TSPAN18: variants seen among roughly 807,000 people sequenced by gnomAD.
The protein encoded by TSPAN18 is tetraspanin-18.
A neutral mutation model predicts 27.3 loss-of-function variants in TSPAN18; 14 were observed. The ratio of observed to expected loss-of-function variants is 0.51; its 90% confidence interval spans 0.34 to 0.80. The LOEUF (loss-of-function observed/expected upper bound fraction) is 0.80. Among genes scored for constraint, TSPAN18 ranks in the 30% least tolerant of loss-of-function variants. The pLI is 0.01. For missense variants in TSPAN18, 268 were observed against 323.9 expected, an observed-to-expected ratio of 0.83 and a Z score of 1.32; for synonymous variants, 143 against 136.5, an observed-to-expected ratio of 1.05 and a Z score of -0.33.
chr11:44,919,456 C>T (rs1425353688), intron 7 of TSPAN18, 144 bp downstream of exon 7: 5 of 744,630 alleles, frequency 6.7e-6, no homozygotes, highest in Non-Finnish European at 1.2e-5. Context: ...ACGCAGCATT[C>T]CAGGCAGCCA....
At chr11:44,866,063 G>A (rs894748120) in intron 3 of TSPAN18, among the ~76,000 whole-genome samples, 2 of 152,192 alleles carry the variant, frequency 1.3e-5, no homozygotes, top group African/African-American at 2.4e-5. Flanking sequence ...CTGTGACCCC[G>A]GCAGCACAAT....
At chr11:44,836,755 T>A (rs1438456728) in intron 2 of TSPAN18, among the ~76,000 whole-genome samples, 1 of 152,212 alleles carries the variant, frequency 6.6e-6, no homozygotes, top group East Asian at 1.9e-4. Context: ...TCATTTACCA[T>A]TTTGAAAATT....
intron 2 of TSPAN18, among the ~76,000 whole-genome samples, chr11:44,786,460 G>A (rs1856059658): frequency 6.6e-6 from 1 of 151,224 alleles, no homozygotes; most frequent in African/African-American, 2.5e-5. Context: ...GAAACTCGGT[G>A]ATGTCCTCAG....
At chr11:44,727,726 C>T (rs1854550560) in intron 1 of TSPAN18, among the ~76,000 whole-genome samples, 1 of 151,396 alleles carries the variant, frequency 6.6e-6, no homozygotes, top group African/African-American at 2.4e-5. Context: ...CGATCGGGGC[C>T]GGGAGGGCTG....
intron 4 of TSPAN18, among the ~76,000 whole-genome samples, chr11:44,907,231 C>T (rs1377878692): frequency 2.0e-5 from 3 of 152,200 alleles, no homozygotes; most frequent in East Asian, 1.9e-4. Flanking sequence ...CCACTGAAGG[C>T]TCTGCTCAGA....
intron 2 of TSPAN18, among the ~76,000 whole-genome samples, chr11:44,799,539 T>G (rs1276897656): frequency 6.6e-6 from 1 of 152,158 alleles, no homozygotes; most frequent in East Asian, 1.9e-4. Context: ...TAGCTCCCAG[T>G]GGAAGAGGGC....
chr11:44,797,576 A>G (rs983391580), intron 2 of TSPAN18, among the ~76,000 whole-genome samples: 12 of 152,148 alleles, frequency 7.9e-5, no homozygotes, highest in Non-Finnish European at 1.5e-5. Flanking sequence ...GAAAATGGGG[A>G]CGGGAGCAAA....
chr11:44,861,437 G>A (rs908381984), intron 3 of TSPAN18, among the ~76,000 whole-genome samples: 2 of 142,930 alleles, frequency 1.4e-5, no homozygotes, highest in Non-Finnish European at 3.1e-5. Context: ...GGGGCTGTGG[G>A]GACTGGTCGG....
chr11:44,811,943 C>T, intron 2 of TSPAN18, among the ~76,000 whole-genome samples: 1 of 152,186 alleles, frequency 6.6e-6, no homozygotes, highest in East Asian at 1.9e-4. Context: ...AGCTCATTCC[C>T]CGGGATGACA....
chr11:44,775,185 A>T (rs1047974200), intron 2 of TSPAN18, among the ~76,000 whole-genome samples: 1 of 152,088 alleles, frequency 6.6e-6, no homozygotes, highest in African/African-American at 2.4e-5. Flanking sequence ...ATAGACAATG[A>T]CTCAATTTTT....
At chr11:44,829,746 T>C (rs1271222341) in intron 2 of TSPAN18, among the ~76,000 whole-genome samples, 2 of 152,178 alleles carry the variant, frequency 1.3e-5, no homozygotes, top group Non-Finnish European at 2.9e-5. Context: ...TTTAGTTTTA[T>C]AAGAAGCTGC....
chr11:44,878,346 C>T (rs1392351451), intron 3 of TSPAN18, among the ~76,000 whole-genome samples: 1 of 152,204 alleles, frequency 6.6e-6, no homozygotes, highest in Non-Finnish European at 1.5e-5. Context: ...CCTCTGGACG[C>T]TGTAGAGATA....
At chr11:44,839,922 T>C (rs1857337799) in intron 2 of TSPAN18, among the ~76,000 whole-genome samples, 1 of 152,128 alleles carries the variant, frequency 6.6e-6, no homozygotes, top group South Asian at 2.1e-4. Flanking sequence ...TCTGCAGAAA[T>C]AATCCTAGAT....
chr11:44,774,918 G>A (rs1480183128), intron 2 of TSPAN18, among the ~76,000 whole-genome samples: 1 of 152,208 alleles, frequency 6.6e-6, no homozygotes, highest in Non-Finnish European at 1.5e-5. Flanking sequence ...TTCGTTTCCT[G>A]CTTTTGTTCA....
At chr11:44,903,640 T>C in intron 3 of TSPAN18, 2 of 456,606 alleles carry the variant, frequency 4.4e-6, no homozygotes, top group South Asian at 3.1e-5. Context: ...GGGCTGAGGC[T>C]GGAGATGTTT....
At chr11:44,763,576 C>G (rs1016596243) in intron 1 of TSPAN18, among the ~76,000 whole-genome samples, 1 of 152,182 alleles carries the variant, frequency 6.6e-6, no homozygotes, top group Non-Finnish European at 1.5e-5. Flanking sequence ...ATTCATTAGG[C>G]AATGATTAAT....
intron 1 of TSPAN18, among the ~76,000 whole-genome samples, chr11:44,741,631 A>G (rs1409791209): frequency 6.6e-6 from 1 of 152,228 alleles, no homozygotes; most frequent in African/African-American, 2.4e-5. Context: ...TTCTGAAGGC[A>G]GCTGTAGAGT....
intron 2 of TSPAN18, among the ~76,000 whole-genome samples, chr11:44,777,643 A>C (rs1855843410): frequency 6.6e-6 from 1 of 152,134 alleles, no homozygotes; most frequent in East Asian, 1.9e-4. Flanking sequence ...ATGGTTTGTG[A>C]ATATTTACAG....
At chr11:44,836,643 T>A (rs957281620) in intron 2 of TSPAN18, among the ~76,000 whole-genome samples, 1 of 152,226 alleles carries the variant, frequency 6.6e-6, no homozygotes, top group Non-Finnish European at 1.5e-5. Context: ...AGGACTTTCA[T>A]AGCTAGAGAG....
Sources: allele counts gnomAD v4.1 joint callset (sites outside exome capture counted in the v4.1 genomes callset), GRCh38; gene constraint gnomAD v4.1.1; transcripts MANE v1.5; gene names NCBI Gene and HGNC (gene_info 2026-07-23, HGNC 2026-07-21).